THSD7B: variants seen among roughly 807,000 people sequenced by gnomAD.
THSD7B encodes thrombospondin type 1 domain containing 7B, also known as thrombospondin type-1 domain-containing protein 7B.
THSD7B carries 138 observed loss-of-function variants against 213.6 expected under a neutral mutation model. The ratio of observed to expected loss-of-function variants is 0.65; its 90% CI spans 0.56 to 0.74. The LOEUF is 0.74. Ranked by LOEUF, THSD7B falls within the 30% of genes least tolerant of loss-of-function variation. THSD7B has a pLI of 0.00. For missense variants in THSD7B, 1,931 were observed against 1,991.5 expected (o/e 0.97, Z 0.58); for synonymous variants, 742 against 687.0 (o/e 1.08, Z -1.25).
intron 15 of THSD7B, among the ~76,000 whole-genome samples, chr2:137,509,283 T>C (rs2105149291): frequency 6.6e-6 from 1 of 151,248 alleles, no homozygotes; most frequent in East Asian, 2.0e-4. Flanking sequence ...CCTTCCTTTC[T>C]TCCTTCCCTC....
chr2:137,309,056 T>C (rs1683825191), intron 12 of THSD7B, among the ~76,000 whole-genome samples: 3 of 152,128 alleles, frequency 2.0e-5, no homozygotes, highest in African/African-American at 7.2e-5. Context: ...ATAAAGTTTT[T>C]CGTAAATATT....
At chr2:136,788,197 G>A (rs1681903165) in intron 1 of THSD7B, among the ~76,000 whole-genome samples, 1 of 152,196 alleles carries the variant, frequency 6.6e-6, no homozygotes, top group South Asian at 2.1e-4. Flanking sequence ...AACCCAGAAT[G>A]GGGTTAAAGT....
chr2:137,332,462 A>G (rs890874786), intron 12 of THSD7B, among the ~76,000 whole-genome samples: 1 of 152,144 alleles, frequency 6.6e-6, no homozygotes, highest in African/African-American at 2.4e-5. Context: ...TTACAGGCTC[A>G]GAGGTGGAAA....
intron 1 of THSD7B, among the ~76,000 whole-genome samples, chr2:136,799,252 A>G (rs1003667068): frequency 6.6e-6 from 1 of 151,980 alleles, no homozygotes; most frequent in Non-Finnish European, 1.5e-5. Context: ...TAATAATCCA[A>G]TTTCTTAGAT....
intron 14 of THSD7B, among the ~76,000 whole-genome samples, chr2:137,420,359 G>C (rs140254509): frequency 6.6e-6 from 1 of 152,190 alleles, no homozygotes; most frequent in Non-Finnish European, 1.5e-5. Flanking sequence ...TAATTCTCTA[G>C]TTGATTCCTA....
chr2:137,610,679 A>G (rs1432493875), intron 17 of THSD7B, among the ~76,000 whole-genome samples: 1 of 152,108 alleles, frequency 6.6e-6, no homozygotes, highest in Non-Finnish European at 1.5e-5. Flanking sequence ...TGCAGACACC[A>G]ACCTAACTCC....
intron 27 of THSD7B, among the ~76,000 whole-genome samples, chr2:137,668,446 C>CAA (rs10668254): frequency 0.35 from 49,394 of 141,516 alleles, 8,358 homozygotes; most frequent in Non-Finnish European, 0.39. Flanking sequence ...TGGTCATTTG[C>CAA]AAAAAAAAAA....
At chr2:137,577,684 G>C (rs903608832) in intron 17 of THSD7B, among the ~76,000 whole-genome samples, 24 of 152,046 alleles carry the variant, frequency 1.6e-4, no homozygotes, top group South Asian at 6.2e-4. Context: ...AGCAGACTAA[G>C]GCATATCCCA....
At chr2:137,584,476 C>T (rs1177952089) in intron 17 of THSD7B, among the ~76,000 whole-genome samples, 3 of 152,178 alleles carry the variant, frequency 2.0e-5, no homozygotes, top group Non-Finnish European at 4.4e-5. Flanking sequence ...GTGGCTTTGT[C>T]ATAAATAGTT....
chr2:137,252,266 CAAAA>C (rs1182130976), intron 10 of THSD7B, among the ~76,000 whole-genome samples: 1 of 59,688 alleles, frequency 1.7e-5, no homozygotes, highest in Non-Finnish European at 2.8e-5. Flanking sequence ...GACTCTGTCT[CAAAA>C]AAAAAAAAAA....
intron 20 of THSD7B, among the ~76,000 whole-genome samples, chr2:137,622,731 G>A (rs934024912): frequency 2.6e-5 from 4 of 152,134 alleles, no homozygotes; most frequent in Admixed American, 2.6e-4. Context: ...AAATCTAGAA[G>A]AAATGGATAA....
chr2:137,647,421 T>TTCTCTC lies in THSD7B; in HGVS notation c.3945+4803_3945+4808dup, dbSNP rs60400076. Among the ~76,000 whole-genome samples, 123 of 84,510 alleles carry TTCTCTC rather than the reference T, an allele frequency of 1.5e-3. 1 individual carries two copies. The highest frequency in any genetic ancestry group is 4.8e-3 in the African/African-American group (106 of 22,162). The allele number at this position is 84,510 out of a possible 152,430, so 55.4% of individuals were successfully genotyped here. A position where few individuals can be genotyped will look rare whatever the true frequency, so the allele number is the denominator to read the frequency against. On this transcript the variant is annotated intron_variant, in intron 21 of 27. Transcript: ENST00000409968. The stretch of plus-strand genomic sequence containing the variant: ...CCTACTCCGATCTCTCTCTGTCTCT[T>TTCTCTC]TCTCTCTCTCTCTCTCTCTCCCCAA...
At chr2:137,034,306 A>AT (rs2104855409) in intron 2 of THSD7B, among the ~76,000 whole-genome samples, 1 of 152,188 alleles carries the variant, frequency 6.6e-6, no homozygotes, top group African/African-American at 2.4e-5. Flanking sequence ...GGGTTTCACC[A>AT]TGTCAGTCAG....
chr2:137,660,948 T>A (rs1340884671), intron 25 of THSD7B, among the ~76,000 whole-genome samples: 2 of 152,232 alleles, frequency 1.3e-5, no homozygotes, highest in Admixed American at 1.3e-4. Flanking sequence ...TTGTTTACTT[T>A]TAGTATCTGT....
intron 20 of THSD7B, among the ~76,000 whole-genome samples, chr2:137,621,654 G>T (rs1424084211): frequency 6.6e-6 from 1 of 152,106 alleles, no homozygotes; most frequent in Non-Finnish European, 1.5e-5. Context: ...ACAGAACTCT[G>T]GTCCTAAAGT....
chr2:137,013,744 G>A (rs543420831), intron 2 of THSD7B, among the ~76,000 whole-genome samples: 1 of 152,228 alleles, frequency 6.6e-6, no homozygotes, highest in South Asian at 2.1e-4. Context: ...CCTGCTTCAA[G>A]GAGGGTTCTC....
intron 12 of THSD7B, among the ~76,000 whole-genome samples, chr2:137,299,487 C>CG (rs1553437006): frequency 6.6e-6 from 1 of 151,662 alleles, no homozygotes; most frequent in Non-Finnish European, 1.5e-5. Context: ...TGGGAGGGGC[C>CG]GGGGTGGAGT....
chr2:137,399,264 C>T (rs1297675529), intron 12 of THSD7B, among the ~76,000 whole-genome samples: 1 of 150,342 alleles, frequency 6.7e-6, no homozygotes, highest in East Asian at 2.0e-4. Flanking sequence ...GTGACCTTGG[C>T]TCACTGCAGC....
chr2:136,954,358 G>GCTCAT (rs1477903566), intron 2 of THSD7B, among the ~76,000 whole-genome samples: 2 of 152,136 alleles, frequency 1.3e-5, no homozygotes, highest in Non-Finnish European at 2.9e-5. Context: ...TCCTTGGCCA[G>GCTCAT]CTCATCTCAT....
Sources: allele counts gnomAD v4.1 joint callset (sites outside exome capture counted in the v4.1 genomes callset), GRCh38; gene constraint gnomAD v4.1.1; transcripts MANE v1.5; gene names NCBI Gene and HGNC (gene_info 2026-07-23, HGNC 2026-07-21).